GTPBP2: variants seen among roughly 807,000 people sequenced by gnomAD.
The protein encoded by GTPBP2 is GTP-binding protein 2.
A neutral mutation model predicts 63.0 loss-of-function variants in GTPBP2; 32 were observed. The ratio of observed to expected loss-of-function variants is 0.51; its 90% CI spans 0.38 to 0.68. GTPBP2 has a LOEUF of 0.68. Among genes scored for constraint, GTPBP2 ranks in the 30% least tolerant of loss-of-function variants. The pLI, the probability that GTPBP2 is intolerant of heterozygous loss-of-function variation, is 0.00. For missense variants in GTPBP2, 492 were observed against 796.9 expected, an observed-to-expected ratio of 0.62 and a Z score of 4.61; for synonymous variants, 310 against 322.6, an observed-to-expected ratio of 0.96 and a Z score of 0.42.
At chr6:43,627,264 TC>T in intron 1 of GTPBP2, 1 of 1,133,300 alleles carries the variant, frequency 8.8e-7, no homozygotes, top group Non-Finnish European at 1.1e-6. Flanking sequence ...CCTCCCCACC[TC>T]CAGGGCCTCA....
Position 43,622,108 on chromosome 6 carries a change from C to T in GTPBP2, c.1527G>A (p.Glu509=), listed in dbSNP as rs751079435. The part of the protein sequence containing the change: ...NPTICSVFEA[E]IVLLFHATTF... The stretch of plus-strand genomic sequence containing the variant: ...TGGTGGCATGGAACAGTAAGACTAT[C>T]TCTGCCTCAAACACCGAGCAGATGG... Residue 509 remains glutamate, a synonymous_variant, in exon 11 of 12, where the codon GAG becomes GAA. Coordinates refer to ENST00000307126, the MANE Select transcript of GTPBP2 (RefSeq NM_019096.5). This position sits in a 1 kb window ranked among gnomAD's most constrained non-coding sequence, Gnocchi z 5.4. 3 of 1,614,162 alleles carry T rather than the reference C, an allele frequency of 1.9e-6. No individual in the cohort carries two copies. The highest frequency in any genetic ancestry group is 2.5e-6 in the Non-Finnish European group (3 of 1,180,006).
At chr6:43,623,202 C>A in intron 9 of GTPBP2, 1 of 191,702 alleles carries the variant, frequency 5.2e-6, no homozygotes, top group South Asian at 1.1e-4. Context: ...ACCAGCCTGG[C>A]CAATATGGTG....
chr6:43,629,750 A>G (rs1769778028), upstream of GTPBP2: 4 of 1,555,372 alleles, frequency 2.6e-6, no homozygotes, highest in East Asian at 4.8e-5. Context: ...TTCTTCCCCT[A>G]TGGCCCGCGT....
In GTPBP2 at chr6:43,624,667, C is replaced by T. The variant is rs1456712602; in HGVS notation, c.943G>A (p.Val315Ile). 6.2e-7 allele frequency: 1 copy of T among 1,614,160 alleles called. No individual in the cohort carries two copies. The highest frequency in any genetic ancestry group is 8.5e-7 in the Non-Finnish European group (1 of 1,180,032). ...TTGGCACATAGGTCGATCTTGCTGA[C>T]CACGATGAAGAAGGGCACTTTCAGG... Reference protein sequence around the residue: ...LALKVPFFIVVSKIDLCAKTT... With the variant: ...LALKVPFFIVISKIDLCAKTT... Residue 315 changes from valine to isoleucine, a missense_variant, in exon 7 of 12, where the codon GTC becomes ATC. By Grantham distance (29) the Val-to-Ile change is conservative. Transcript: ENST00000307126. The surrounding 1 kb of genome is among the most constrained non-coding windows in gnomAD (Gnocchi z 5.1).
At position 43,624,896 on chromosome 6, in the gene GTPBP2, G is replaced by C; in HGVS notation, c.872C>G (p.Thr291Ser). 1 of 1,614,052 alleles carries C rather than the reference G, an allele frequency of 6.2e-7. No individual in the cohort carries two copies. Among genetic ancestry groups the C allele is most frequent in the Non-Finnish European group, 8.5e-7 (1 of 1,179,938 alleles). The change falls in exon 6 of 12, where the codon ACT (threonine) becomes AGT (serine). Residue 291 changes from threonine to serine, a missense_variant. Transcript: ENST00000307126. The surrounding 1 kb of genome is among the most constrained non-coding windows in gnomAD (Gnocchi z 5.1). ...GCCCTAATGCCTCGTACCAATCCCA[G>C]TGTTGGCACTGACGAGGAGCAGGGC... The part of the protein sequence containing the change: ...DCALLLVSAN[T>S]GIAGTTREHL...
intron 1 of GTPBP2, chr6:43,628,470 CTGTGTGTGTGTGTGTG>C (rs60906505): frequency 3.2e-5 from 14 of 432,940 alleles, no homozygotes; most frequent in Admixed American, 1.3e-4. Context: ...CTGGCTTAGG[CTGTGTGTGTGTGTGTG>C]TGTGTGTGTG....
Position 43,624,642 on chromosome 6 carries a change from T to C in GTPBP2, c.968A>G (p.Lys323Arg). 6.2e-7 allele frequency: 1 copy of C among 1,614,152 alleles called. No individual in the cohort carries two copies. Among genetic ancestry groups the C allele is most frequent in the Non-Finnish European group, 8.5e-7 (1 of 1,180,006 alleles). The change falls in exon 7 of 12, where the codon AAG (lysine) becomes AGG (arginine). Residue 323 changes from lysine (K) to arginine (R), a missense_variant. Physicochemically the swap from Lys to Arg is conservative, Grantham distance 26. Transcript: ENST00000307126. The surrounding 1 kb of genome is among the most constrained non-coding windows in gnomAD (Gnocchi z 5.1). ...IVVSKIDLCA[K>R]TTVERTVRQL... ...GCGTACTGTCCTCTCCACTGTGGTC[T>C]TGGCACATAGGTCGATCTTGCTGAC...
Position 43,624,845 on chromosome 6 carries a change from C to T in GTPBP2, c.880+43G>A, listed in dbSNP as rs1482879313. 26 of 1,601,490 alleles carry T rather than the reference C, an allele frequency of 1.6e-5. No homozygotes were observed. Among genetic ancestry groups the T allele is most frequent in the South Asian group, 6.6e-5 (6 of 90,654 alleles). ...GATTTGAGGCCCAGGGTAGGAGAGT[C>T]AGCACCCCCCTTCAGCCCTGTCCCT... On this transcript the variant is annotated intron_variant, in intron 6 of 11. Coordinates refer to ENST00000307126, the MANE Select transcript of GTPBP2 (RefSeq NM_019096.5). The surrounding 1 kb of genome is among the most constrained non-coding windows in gnomAD (Gnocchi z 5.1).
Position 43,629,211 on chromosome 6 carries a change from G to A in GTPBP2, c.-49C>T. 5 of 1,060,936 alleles carry A rather than the reference G, an allele frequency of 4.7e-6. No individual in the cohort carries two copies. The highest frequency in any genetic ancestry group is 5.9e-6 in the Non-Finnish European group (5 of 853,610). The allele number at this position is 1,060,936 out of a possible 1,614,324, so 65.7% of individuals were successfully genotyped here. ...CCCGGCCCCTCCCCCGACCGCCGCCGCCGTCGCCGCCGCCCTTACTGCCAC... is the reference window on the plus strand; with the variant it reads ...CCCGGCCCCTCCCCCGACCGCCGCCACCGTCGCCGCCGCCCTTACTGCCAC... On this transcript the variant is annotated 5_prime_UTR_variant, in exon 1 of 12. Coordinates refer to ENST00000307126, the MANE Select transcript of GTPBP2 (RefSeq NM_019096.5).
chr6:43,628,581 C>T, intron 1 of GTPBP2: 1 of 980,760 alleles, frequency 1.0e-6, no homozygotes, highest in Non-Finnish European at 1.2e-6. Flanking sequence ...CCGGGTACTC[C>T]CCTTCTCCCT....
Position 43,627,102 on chromosome 6 carries a change from A to G in GTPBP2, c.187-154T>C, listed in dbSNP as rs557576286. 3.4e-4 allele frequency: 238 copies of G among 710,080 alleles called. 1 individual carries two copies. In the African/African-American group the frequency reaches 3.8e-3, roughly 11 times the overall value. 44.0% of individuals were successfully genotyped at this position (710,080 alleles called of 1,614,324 possible). On this transcript the variant is annotated intron_variant, in intron 1 of 11. Transcript: ENST00000307126. The stretch of plus-strand genomic sequence containing the variant: ...TGCCTGTCAAAGGTCAGTGGCAGAC[A>G]AGATCCTCTATTCACCCCCAGCATA...
upstream of GTPBP2, chr6:43,629,851 C>A: frequency 6.8e-7 from 1 of 1,470,326 alleles, no homozygotes. Context: ...ATTATGCTAC[C>A]TTTACATAGT....
chr6:43,629,564 TG>T, upstream of GTPBP2: 2 of 680,856 alleles, frequency 2.9e-6, no homozygotes, highest in Non-Finnish European at 5.3e-6. Flanking sequence ...CCTCGAGGCC[TG>T]GGGTGGGGAC....
chr6:43,629,026 C>T lies in GTPBP2; in HGVS notation c.137G>A (p.Gly46Glu), dbSNP rs1268277415. ...CGGPKGKKKN[G>E]RNRGGKANNP... is the part of the protein sequence containing the mutation. ...GTTGGCTTTGCCCCCTCTGTTCCTTCCGTTCTTCTTCTTTCCCTTTGGCCC... is the reference window on the plus strand; with the variant it reads ...GTTGGCTTTGCCCCCTCTGTTCCTTTCGTTCTTCTTCTTTCCCTTTGGCCC... The change falls in exon 1 of 12, where the codon GGA (glycine) becomes GAA (glutamate). Residue 46 changes from glycine to glutamate, a missense_variant. Physicochemically the swap from Gly to Glu is moderately conservative, Grantham distance 98. Coordinates refer to ENST00000307126, the MANE Select transcript of GTPBP2 (RefSeq NM_019096.5). The T allele has an allele frequency of 6.2e-7, 1 of 1,613,664 alleles. No individual in the cohort carries two copies.
Position 43,626,773 on chromosome 6 carries a change from A to G in GTPBP2, c.213+149T>C. 1.5e-6 allele frequency: 1 copy of G among 666,532 alleles called. No individual in the cohort carries two copies. Among genetic ancestry groups the G allele is most frequent in the Non-Finnish European group, 2.6e-6 (1 of 387,702 alleles). 41.3% of individuals were successfully genotyped at this position (666,532 alleles called of 1,614,324 possible). Reference sequence around the variant, plus strand: ...CTACTTGGGAGGCTGAGGCAGGAGAATCTGAGATTGCGCCACTGCACTCCA... The same window carrying G: ...CTACTTGGGAGGCTGAGGCAGGAGAGTCTGAGATTGCGCCACTGCACTCCA... On this transcript the variant is annotated intron_variant, in intron 2 of 11. Coordinates refer to ENST00000307126, the MANE Select transcript of GTPBP2 (RefSeq NM_019096.5). The surrounding 1 kb of genome is among the most constrained non-coding windows in gnomAD (Gnocchi z 4.0).
In GTPBP2 at chr6:43,621,700, G is replaced by A; in HGVS notation, c.1723C>T (p.Arg575Trp). 1 of 1,614,168 alleles carries A rather than the reference G, an allele frequency of 6.2e-7. No individual in the cohort carries two copies. The highest frequency in any genetic ancestry group is 8.5e-7 in the Non-Finnish European group (1 of 1,180,030). The change falls in exon 12 of 12, where the codon CGG becomes TGG. Residue 575 changes from arginine to tryptophan, a missense_variant. Coordinates refer to ENST00000307126, the MANE Select transcript of GTPBP2 (RefSeq NM_019096.5). ...CCGATGCCCTTGGTGACACCCTCCC[G>A]GAACAGCAGTTTGGCGCCCACCTTC... ...YLKVGAKLLF[R>W]EGVTKGIGHV...
upstream of GTPBP2, among the ~76,000 whole-genome samples, chr6:43,630,360 A>T (rs761933032): frequency 3.9e-5 from 6 of 152,158 alleles, no homozygotes; most frequent in Non-Finnish European, 5.9e-5. Flanking sequence ...TCACAGCCGC[A>T]TGGCTGTCTC....
At position 43,625,548 on chromosome 6, in the gene GTPBP2, G is replaced by A. The variant is rs769628380; in HGVS notation, c.520C>T (p.Arg174Cys). The A allele has an allele frequency of 9.3e-6, 15 of 1,612,808 alleles. No homozygotes were observed. The highest frequency in any genetic ancestry group is 2.7e-5 in the African/African-American group (2 of 74,864). ...TCCACATTCCCCAGGACGGCCACAC[G>A]GAGGTCTAGGAACTGTGGATGAATT... ...VPDNQQFLDL[R>C]VAVLGNVDSG... The change falls in exon 5 of 12, where the codon CGT becomes TGT. Residue 174 changes from arginine to cysteine, a missense_variant. By Grantham distance (180) the Arg-to-Cys change is radical. Coordinates refer to ENST00000307126, the MANE Select transcript of GTPBP2 (RefSeq NM_019096.5). This position sits in a 1 kb window ranked among gnomAD's most constrained non-coding sequence, Gnocchi z 5.1.
Position 43,628,782 on chromosome 6 carries a change from C to T in GTPBP2, c.186+195G>A. 5.0e-6 allele frequency: 4 copies of T among 801,180 alleles called. No homozygotes were observed. The South Asian group carries it at 5.4e-5, about 11-fold the overall frequency. The allele number at this position is 801,180 out of a possible 1,614,324, so 49.6% of individuals were successfully genotyped here. On this transcript the variant is annotated intron_variant, in intron 1 of 11. Coordinates refer to ENST00000307126, the MANE Select transcript of GTPBP2 (RefSeq NM_019096.5). ...CTCTCCACTCTTCCTCCCTGAGGTC[C>T]TGTCACCTGAGAGTCCAGTCTCTGC...
Sources: gnomAD v4.1 joint callset for allele counts (sites outside exome capture counted in the v4.1 genomes callset) on GRCh38, gnomAD v4.1.1 for gene constraint, Gnocchi (gnomAD v3.1) non-coding constraint, MANE v1.5 for transcripts, NCBI Gene and HGNC (gene_info 2026-07-23, HGNC 2026-07-21) for gene names.